ARHGAP31: variants seen among roughly 807,000 people sequenced by gnomAD.
The protein encoded by ARHGAP31 is rho GTPase-activating protein 31.
In ARHGAP31, 34 loss-of-function variants were observed where a neutral mutation model predicts 113.9. The ratio of observed to expected loss-of-function variants is 0.30; its 90% CI spans 0.23 to 0.40. The LOEUF (loss-of-function observed/expected upper bound fraction) is 0.40, where lower values mean the gene tolerates loss of function less well. Among genes scored for constraint, ARHGAP31 ranks in the 10% least tolerant of loss-of-function variants. The pLI, the probability that ARHGAP31 is intolerant of heterozygous loss-of-function variation, is 1.00. For synonymous variants in ARHGAP31, 650 were observed against 684.8 expected (o/e 0.95, Z 0.79); for missense variants, 1,548 against 1,767.1 (o/e 0.88, Z 2.22).
At chr3:119,396,198 C>A (rs2080549143) in intron 8 of ARHGAP31, among the ~76,000 whole-genome samples, 1 of 152,230 alleles carries the variant, frequency 6.6e-6, no homozygotes, top group Non-Finnish European at 1.5e-5. Context: ...TGTTGGTAAA[C>A]TCACAGGCCA....
At chr3:119,380,752 G>A in intron 3 of ARHGAP31, 152 bp from the exon 4 acceptor site, 3 of 706,682 alleles carry the variant, frequency 4.2e-6, no homozygotes, top group Non-Finnish European at 7.6e-6. Context: ...TAGTGGGATA[G>A]TTGTTTTCAT....
intron 1 of ARHGAP31, among the ~76,000 whole-genome samples, chr3:119,331,464 A>G (rs1037288975): frequency 2.6e-5 from 4 of 152,224 alleles, no homozygotes; most frequent in African/African-American, 9.7e-5. Flanking sequence ...AATTTTAGAC[A>G]AAACAGTAAA....
chr3:119,323,277 A>G (rs534331041), intron 1 of ARHGAP31, among the ~76,000 whole-genome samples: 95 of 151,982 alleles, frequency 6.3e-4, no homozygotes, highest in African/African-American at 2.1e-3. Flanking sequence ...GAAAGCCCAG[A>G]AGCGGGGAAA....
chr3:119,323,760 C>A (rs2079815876), intron 1 of ARHGAP31, among the ~76,000 whole-genome samples: 1 of 152,166 alleles, frequency 6.6e-6, no homozygotes, highest in Non-Finnish European at 1.5e-5. Flanking sequence ...AGGTTCTCTG[C>A]AAAATGGAGA....
At chr3:119,337,372 C>G (rs761951119) in intron 1 of ARHGAP31, among the ~76,000 whole-genome samples, 21 of 152,184 alleles carry the variant, frequency 1.4e-4, no homozygotes, top group Non-Finnish European at 2.2e-4. Context: ...CATGCTCTCG[C>G]TGACTTCAGG....
chr3:119,377,691 C>T (rs533714408), intron 3 of ARHGAP31, among the ~76,000 whole-genome samples: 3 of 151,932 alleles, frequency 2.0e-5, no homozygotes, highest in Middle Eastern at 3.4e-3. Flanking sequence ...ACAGTGGTTC[C>T]TCTGGAGTCT....
In ARHGAP31 at chr3:119,336,131, C is replaced by T. The variant is rs144976884; in HGVS notation, c.101-29185C>T. Reference sequence around the variant, plus strand: ...CGGAGGTAGCAGTGAGCCAAGTTCACGCCACTGCACTCCAGCTTGGGTGAC... The same window carrying T: ...CGGAGGTAGCAGTGAGCCAAGTTCATGCCACTGCACTCCAGCTTGGGTGAC... On this transcript the variant is annotated intron_variant, in intron 1 of 11. Coordinates refer to ENST00000264245, the MANE Select transcript of ARHGAP31 (RefSeq NM_020754.4). Among the ~76,000 whole-genome samples the T allele has an allele frequency of 2.5e-3, 377 of 152,198 alleles. 4 individuals are homozygous for T. Among genetic ancestry groups the T allele is most frequent in the African/African-American group, 8.4e-3 (349 of 41,506 alleles).
chr3:119,364,228 T>TGGGGGGGG (rs2080234451), intron 1 of ARHGAP31, among the ~76,000 whole-genome samples: 1 of 21,680 alleles, frequency 4.6e-5, no homozygotes, highest in African/African-American at 1.6e-4. Flanking sequence ...TGGTTGGGGG[T>TGGGGGGGG]GGGGGGATGG....
chr3:119,382,860 T>C (rs1168353204), intron 5 of ARHGAP31, among the ~76,000 whole-genome samples: 3 of 152,262 alleles, frequency 2.0e-5, no homozygotes, highest in Non-Finnish European at 4.4e-5. Context: ...ATAGTGTTTA[T>C]AGTATTGCAA....
chr3:119,339,693 A>T (rs2079991063), intron 1 of ARHGAP31, among the ~76,000 whole-genome samples: 1 of 152,178 alleles, frequency 6.6e-6, no homozygotes, highest in Non-Finnish European at 1.5e-5. Flanking sequence ...TTTCCAAAAA[A>T]TAGTGCTGGA....
intron 1 of ARHGAP31, among the ~76,000 whole-genome samples, chr3:119,361,491 C>A (rs1010421445): frequency 6.6e-6 from 1 of 151,696 alleles, no homozygotes; most frequent in Non-Finnish European, 1.5e-5. Flanking sequence ...AAGTGATTCT[C>A]CTGCCTCAGG....
rs562220849 is a variant in ARHGAP31, at chr3:119,418,206, T to G, written c.*1942T>G. ...AGCACTGAGTGAGCAAGGCCTTTCATCAGTGTTTTGGCCTTCTCATTGGGT... is the reference window on the plus strand; with the variant it reads ...AGCACTGAGTGAGCAAGGCCTTTCAGCAGTGTTTTGGCCTTCTCATTGGGT... On this transcript the variant is annotated 3_prime_UTR_variant, in exon 12 of 12. Transcript: ENST00000264245. The G allele has an allele frequency of 6.6e-6, 1 of 152,260 alleles. No homozygotes were observed. Among genetic ancestry groups the G allele is most frequent in the East Asian group, 1.9e-4 (1 of 5,190 alleles). 9.4% of individuals were successfully genotyped at this position (152,260 alleles called of 1,614,324 possible).
At position 119,402,185 on chromosome 3, in the gene ARHGAP31, G is replaced by C; in HGVS notation, c.1433G>C (p.Arg478Pro). ...CTCTTCCAGATGGAGCCCTCGCCGCGTAACCAGCGCAAGGCGCTGAACATC... is the reference window on the plus strand; with the variant it reads ...CTCTTCCAGATGGAGCCCTCGCCGCCTAACCAGCGCAAGGCGCTGAACATC... ...SSLFQMEPSP[R>P]NQRKALNISE... is the part of the protein sequence containing the mutation. The change falls in exon 10 of 12, where the codon CGT (arginine) becomes CCT (proline). Residue 478 changes from arginine (R) to proline (P), a missense_variant. Physicochemically the swap from Arg to Pro is moderately radical, Grantham distance 103. Coordinates refer to ENST00000264245, the MANE Select transcript of ARHGAP31 (RefSeq NM_020754.4). 1 of 1,614,276 alleles carries C rather than the reference G, an allele frequency of 6.2e-7. No individual in the cohort carries two copies. Among genetic ancestry groups the C allele is most frequent in the South Asian group, 1.1e-5 (1 of 91,088 alleles).
chr3:119,336,811 CCCCACCTT>C (rs1376160832), intron 1 of ARHGAP31, among the ~76,000 whole-genome samples: 3 of 152,172 alleles, frequency 2.0e-5, no homozygotes, highest in African/African-American at 7.2e-5. Flanking sequence ...TTTCCCATTG[CCCCACCTT>C]CCCACCTACT....
chr3:119,374,119 T>G (rs1190154884), intron 3 of ARHGAP31, among the ~76,000 whole-genome samples: 1 of 152,198 alleles, frequency 6.6e-6, no homozygotes, highest in Non-Finnish European at 1.5e-5. Flanking sequence ...GCTTGTCCCC[T>G]CTAAATCTCA....
chr3:119,311,146 A>G (rs544808222), intron 1 of ARHGAP31, among the ~76,000 whole-genome samples: 11 of 152,156 alleles, frequency 7.2e-5, no homozygotes, highest in Non-Finnish European at 1.3e-4. Flanking sequence ...TCTGCCCTAG[A>G]GTAGACCTCT....
chr3:119,323,051 C>T (rs550898302), intron 1 of ARHGAP31, among the ~76,000 whole-genome samples: 1 of 152,360 alleles, frequency 6.6e-6, no homozygotes, highest in South Asian at 2.1e-4. Context: ...ACGTTCCCTC[C>T]GCTCCAGCTC....
intron 8 of ARHGAP31, among the ~76,000 whole-genome samples, chr3:119,394,465 G>A (rs897341883): frequency 6.6e-6 from 1 of 152,136 alleles, no homozygotes; most frequent in Admixed American, 6.5e-5. Context: ...ATATAGTGGG[G>A]AATTTAACCA....
intron 1 of ARHGAP31, among the ~76,000 whole-genome samples, chr3:119,295,239 C>CA (rs1433249605): frequency 4.0e-5 from 6 of 151,746 alleles, no homozygotes; most frequent in South Asian, 2.1e-4. Flanking sequence ...TTGCCTCACA[C>CA]AAGCTGTTAA....
Sources: allele counts gnomAD v4.1 joint callset (sites outside exome capture counted in the v4.1 genomes callset), GRCh38; gene constraint gnomAD v4.1.1; transcripts MANE v1.5; gene names NCBI Gene and HGNC (gene_info 2026-07-23, HGNC 2026-07-21).